UPF2: variants seen among roughly 807,000 people sequenced by gnomAD.
The protein encoded by UPF2 is regulator of nonsense transcripts 2.
In UPF2, 17 loss-of-function variants were observed where a neutral mutation model predicts 141.4. The ratio of observed to expected loss-of-function variants is 0.12; its 90% CI spans 0.08 to 0.18. The LOEUF is 0.18. Ranked by LOEUF, UPF2 falls within the 10% of genes least tolerant of loss-of-function variation. The pLI is 1.00. For synonymous variants in UPF2, 540 were observed against 498.0 expected (o/e 1.08, Z -1.12); for missense variants, 1,152 against 1,515.9 (o/e 0.76, Z 3.99).
At chr10:12,003,594 C>T (rs1833986984) in intron 5 of UPF2, among the ~76,000 whole-genome samples, 1 of 152,060 alleles carries the variant, frequency 6.6e-6, no homozygotes, top group African/African-American at 2.4e-5. Flanking sequence ...TAAAGTTATT[C>T]AAGGACATCA....
intron 2 of UPF2, among the ~76,000 whole-genome samples, chr10:12,033,403 C>T (rs755746530): frequency 1.3e-5 from 2 of 151,980 alleles, no homozygotes; most frequent in African/African-American, 2.4e-5. Flanking sequence ...TGTGGTGGCA[C>T]GCACCTGTAG....
intron 8 of UPF2, among the ~76,000 whole-genome samples, chr10:11,988,931 C>T (rs961908161): frequency 1.3e-5 from 2 of 152,234 alleles, no homozygotes; most frequent in African/African-American, 4.8e-5. Flanking sequence ...AGGGAATTGA[C>T]TGGCACTTGA....
At chr10:12,018,190 G>A (rs1026543436) in intron 3 of UPF2, among the ~76,000 whole-genome samples, 2 of 152,170 alleles carry the variant, frequency 1.3e-5, no homozygotes, top group Non-Finnish European at 2.9e-5. Flanking sequence ...GCTAACGCCT[G>A]TAATCCTAGC....
intron 3 of UPF2, 118 bp downstream of exon 3, chr10:12,028,627 G>A (rs912223257): frequency 1.8e-5 from 18 of 1,024,078 alleles, no homozygotes; most frequent in Admixed American, 6.1e-5. Context: ...GGAATGTTAA[G>A]AAATCACCTG....
chr10:11,948,400 T>C lies in UPF2; in HGVS notation c.3143A>G (p.Asn1048Ser). Residue 1048 changes from asparagine to serine, a missense_variant, in exon 16 of 22, where the codon AAT (asparagine) becomes AGT (serine). By Grantham distance (46) the Asn-to-Ser change is conservative. This residue lies in a region of UPF2 where 202 missense variants were observed against 223.6 expected (regional missense o/e 0.90). Transcript: ENST00000357604. Reference sequence around the variant, plus strand: ...TTCTGGCTCATTTACTTCACTTTCATTTCCAGATTGTTCTTCTGTTTCAGC... The same window carrying C: ...TTCTGGCTCATTTACTTCACTTTCACTTCCAGATTGTTCTTCTGTTTCAGC... ...GGAETEEQSG[N>S]ESEVNEPEEE... 1 of 1,604,916 alleles carries C rather than the reference T, an allele frequency of 6.2e-7. No homozygotes were observed. Among genetic ancestry groups the C allele is most frequent in the Non-Finnish European group, 8.5e-7 (1 of 1,174,694 alleles).
intron 4 of UPF2, among the ~76,000 whole-genome samples, chr10:12,005,482 C>T (rs1054289876): frequency 1.3e-5 from 2 of 152,120 alleles, no homozygotes; most frequent in Admixed American, 6.6e-5. Flanking sequence ...TAGTAGAAGT[C>T]GTCTTTTTTG....
intron 6 of UPF2, among the ~76,000 whole-genome samples, chr10:12,001,348 A>T (rs981896356): frequency 6.6e-6 from 1 of 152,168 alleles, no homozygotes; most frequent in Middle Eastern, 3.2e-3. Context: ...CAGGAGGCAG[A>T]AGTTGCAGTG....
chr10:12,022,021 T>C (rs1427738151), intron 3 of UPF2, among the ~76,000 whole-genome samples: 1 of 151,950 alleles, frequency 6.6e-6, no homozygotes, highest in Non-Finnish European at 1.5e-5. Context: ...GTGCATGTAG[T>C]CCCAGCTACT....
chr10:11,928,872 G>A (rs9424134), intron 21 of UPF2, among the ~76,000 whole-genome samples: 2,017 of 152,228 alleles, frequency 0.013, 52 homozygotes, highest in African/African-American at 0.047. Flanking sequence ...AAAACAGGCC[G>A]GGCATGGTGG....
At chr10:11,963,697 C>G (rs928738852) in intron 11 of UPF2, among the ~76,000 whole-genome samples, 1 of 152,166 alleles carries the variant, frequency 6.6e-6, no homozygotes, top group Admixed American at 6.5e-5. Flanking sequence ...CATAACATAA[C>G]AAAAACATTC....
Position 12,012,504 on chromosome 10 carries a change from G to A in UPF2, c.1306+1520C>T, listed in dbSNP as rs117436571. On this transcript the variant is annotated intron_variant, in intron 4 of 21. Coordinates refer to ENST00000357604, the MANE Select transcript of UPF2 (RefSeq NM_015542.4). ...TAAAACATTTAAAAAGTTTGGCCAG[G>A]CACAGTGGCTCACGCCTGTTATCTC... is the stretch of plus-strand genomic sequence containing the variant. Among the ~76,000 whole-genome samples, 1,081 of 152,246 alleles carry A rather than the reference G, an allele frequency of 7.1e-3. 4 individuals carry two copies. Among genetic ancestry groups the A allele is most frequent in the Admixed American group, 0.013 (204 of 15,290 alleles).
At chr10:12,026,029 A>G (rs565883715) in intron 3 of UPF2, among the ~76,000 whole-genome samples, 1 of 152,288 alleles carries the variant, frequency 6.6e-6, no homozygotes, top group African/African-American at 2.4e-5. Context: ...CCTGGGCTCA[A>G]GCGATCCTTC....
At chr10:11,925,507 C>T (rs372334149) in intron 21 of UPF2, among the ~76,000 whole-genome samples, 1 of 152,236 alleles carries the variant, frequency 6.6e-6, no homozygotes, top group East Asian at 1.9e-4. Context: ...CTACTAGGTG[C>T]CAGGCACCAA....
At position 12,004,804 on chromosome 10, in the gene UPF2, C is replaced by T. The variant is rs1834008913; in HGVS notation, c.1307-77G>A. 12 of 1,399,712 alleles carry T rather than the reference C, an allele frequency of 8.6e-6. No individual in the cohort carries two copies. In the South Asian group the frequency reaches 1.4e-4, roughly 17 times the overall value. The allele number at this position is 1,399,712 out of a possible 1,614,324, so 86.7% of individuals were successfully genotyped here. On this transcript the variant is annotated intron_variant, in intron 4 of 21. Transcript: ENST00000357604. Reference sequence around the variant, plus strand: ...ATAAACATGACATAAGTTATTTTTTCAGTTTTACATCTATTGAATCTTGAG... The same window carrying T: ...ATAAACATGACATAAGTTATTTTTTTAGTTTTACATCTATTGAATCTTGAG...
intron 4 of UPF2, among the ~76,000 whole-genome samples, 164 bp downstream of exon 4, chr10:12,013,860 A>G (rs954265258): frequency 1.3e-5 from 2 of 152,128 alleles, no homozygotes; most frequent in Non-Finnish European, 2.9e-5. Flanking sequence ...TTGGATTCCC[A>G]AAGTGTTGAG....
At chr10:11,961,294 T>C (rs2131197108) in intron 11 of UPF2, among the ~76,000 whole-genome samples, 1 of 152,042 alleles carries the variant, frequency 6.6e-6, no homozygotes, top group East Asian at 1.9e-4. Flanking sequence ...GAACAATAAG[T>C]ACTGAGATCC....
At chr10:12,008,731 T>G (rs1339564690) in intron 4 of UPF2, among the ~76,000 whole-genome samples, 1 of 151,302 alleles carries the variant, frequency 6.6e-6, no homozygotes, top group Non-Finnish European at 1.5e-5. Context: ...AATGTGCAGG[T>G]GTGTTACATA....
At chr10:11,997,543 C>A in intron 8 of UPF2, 129 bp downstream of exon 8, 1 of 668,294 alleles carries the variant, frequency 1.5e-6, no homozygotes, top group Non-Finnish European at 2.4e-6. Flanking sequence ...AAAAAATATG[C>A]TAATAATGCT....
At chr10:11,967,554 T>TG in intron 9 of UPF2, 100 bp from the exon 10 acceptor site, 1 of 742,544 alleles carries the variant, frequency 1.3e-6, no homozygotes, top group Non-Finnish European at 2.0e-6. Flanking sequence ...CAGTTTTTTT[T>TG]TTTTTTTTTT....
Sources: gnomAD v4.1 joint callset for allele counts (sites outside exome capture counted in the v4.1 genomes callset) on GRCh38, gnomAD v4.1.1 for gene constraint, gnomAD v4.1.1 regional missense constraint, MANE v1.5 for transcripts, NCBI Gene and HGNC (gene_info 2026-07-23, HGNC 2026-07-21) for gene names.